The following BRINP3 variants were observed in gnomAD, a reference collection of about 807,000 sequenced individuals.
BRINP3 encodes BMP/retinoic acid inducible neural specific 3.
BRINP3 carries 19 observed loss-of-function variants against 71.0 expected under a neutral mutation model. The observed-to-expected ratio is 0.27, with a 90% CI of 0.19 to 0.39. The LOEUF is 0.39. Ranked by LOEUF, BRINP3 falls within the 10% of genes least tolerant of loss-of-function variation. The probability of loss-of-function intolerance (pLI) is 1.00; values close to 1 mark genes in which losing one functional copy is unlikely to be tolerated. For synonymous variants in BRINP3, 380 were observed against 337.7 expected (o/e 1.13, Z -1.37); for missense variants, 959 against 940.8 (o/e 1.02, Z -0.25).
Position 190,275,492 on chromosome 1 carries a change from G to A in BRINP3, c.427+6068C>T, listed in dbSNP as rs562019196. Among the ~76,000 whole-genome samples, 20 of 151,582 alleles carry A rather than the reference G, an allele frequency of 1.3e-4. No individual in the cohort carries two copies. The South Asian group carries it at 3.7e-3, about 28-fold the overall frequency. On this transcript the variant is annotated intron_variant, in intron 3 of 7. Coordinates refer to ENST00000367462, the MANE Select transcript of BRINP3 (RefSeq NM_199051.3). Reference sequence around the variant, plus strand: ...CACCAAACTGATGCTGATGCTTTTCGTTCATGGACCACACACAAGTAATGA... The same window carrying A: ...CACCAAACTGATGCTGATGCTTTTCATTCATGGACCACACACAAGTAATGA...
At chr1:190,182,934 T>C (rs1031802855) in intron 6 of BRINP3, among the ~76,000 whole-genome samples, 1 of 152,118 alleles carries the variant, frequency 6.6e-6, no homozygotes, top group Non-Finnish European at 1.5e-5. Context: ...TACTTATAAC[T>C]GTAAGTGAAA....
chr1:190,113,014 A>G (rs1329739171), intron 7 of BRINP3, among the ~76,000 whole-genome samples: 2 of 152,174 alleles, frequency 1.3e-5, no homozygotes, highest in African/African-American at 4.8e-5. Context: ...AATGTATAGT[A>G]TGGATGGTGA....
At chr1:190,178,763 C>G (rs1412539130) in intron 6 of BRINP3, among the ~76,000 whole-genome samples, 1 of 151,384 alleles carries the variant, frequency 6.6e-6, no homozygotes, top group Non-Finnish European at 1.5e-5. Flanking sequence ...AACAGACTTG[C>G]TAAAAAAGAA....
intron 2 of BRINP3, among the ~76,000 whole-genome samples, chr1:190,432,879 T>A (rs1342360397): frequency 2.0e-5 from 3 of 152,192 alleles, no homozygotes; most frequent in Non-Finnish European, 2.9e-5. Context: ...TAGCAAAAGA[T>A]TAGTTGTCTG....
At chr1:190,231,107 A>G (rs1000084449) in intron 5 of BRINP3, among the ~76,000 whole-genome samples, 1 of 151,802 alleles carries the variant, frequency 6.6e-6, no homozygotes, top group Non-Finnish European at 1.5e-5. Context: ...TATTATAAGT[A>G]TGAAGAAATA....
At chr1:190,469,927 T>G (rs1297723150) in intron 1 of BRINP3, among the ~76,000 whole-genome samples, 1 of 151,124 alleles carries the variant, frequency 6.6e-6, no homozygotes, top group Non-Finnish European at 1.5e-5. Flanking sequence ...TTGATTTAAT[T>G]TAATCACATT....
chr1:190,207,959 T>C (rs960971194), intron 6 of BRINP3, among the ~76,000 whole-genome samples: 1 of 152,016 alleles, frequency 6.6e-6, no homozygotes, highest in Non-Finnish European at 1.5e-5. Context: ...GTGTAATACA[T>C]ATTGGGTTGT....
At chr1:190,105,939 C>G (rs993504890) in intron 7 of BRINP3, among the ~76,000 whole-genome samples, 6 of 151,920 alleles carry the variant, frequency 3.9e-5, no homozygotes, top group Non-Finnish European at 5.9e-5. Flanking sequence ...CCAAAAATAA[C>G]TATATTTTAA....
chr1:190,476,358 G>A (rs1677504804), intron 1 of BRINP3, among the ~76,000 whole-genome samples: 1 of 152,044 alleles, frequency 6.6e-6, no homozygotes, highest in Admixed American at 6.6e-5. Context: ...TTAATTTGAG[G>A]GCGGGGGGCG....
chr1:190,371,089 T>C (rs1051791764), intron 2 of BRINP3, among the ~76,000 whole-genome samples: 1 of 152,140 alleles, frequency 6.6e-6, no homozygotes, highest in African/African-American at 2.4e-5. Context: ...TCTTATCACA[T>C]CTTTGGTTTG....
intron 2 of BRINP3, among the ~76,000 whole-genome samples, chr1:190,338,050 A>C (rs1160055319): frequency 6.6e-6 from 1 of 152,064 alleles, no homozygotes; most frequent in Non-Finnish European, 1.5e-5. Context: ...AGTCTACATA[A>C]TACATCCCTC....
intron 3 of BRINP3, among the ~76,000 whole-genome samples, chr1:190,276,457 TC>T (rs1348738220): frequency 2.6e-5 from 4 of 151,648 alleles, no homozygotes; most frequent in African/African-American, 9.7e-5. Context: ...TATTCAGAGT[TC>T]TTATTCTTAT....
chr1:190,280,427 G>A (rs1363800390), intron 3 of BRINP3, among the ~76,000 whole-genome samples: 1 of 151,682 alleles, frequency 6.6e-6, no homozygotes, highest in African/African-American at 2.4e-5. Flanking sequence ...GATTTTAAAA[G>A]AGCTGTGTGG....
At chr1:190,350,016 A>G (rs1200296976) in intron 2 of BRINP3, among the ~76,000 whole-genome samples, 1 of 152,076 alleles carries the variant, frequency 6.6e-6, no homozygotes, top group Non-Finnish European at 1.5e-5. Context: ...ATAAAAGGAG[A>G]ATACAAGGAA....
intron 2 of BRINP3, among the ~76,000 whole-genome samples, chr1:190,398,089 A>T (rs1406906660): frequency 6.6e-6 from 1 of 151,960 alleles, no homozygotes; most frequent in East Asian, 1.9e-4. Context: ...ATAAAAGCAC[A>T]CAACCACAAC....
At chr1:190,184,789 A>G (rs892366597) in intron 6 of BRINP3, among the ~76,000 whole-genome samples, 1 of 152,086 alleles carries the variant, frequency 6.6e-6, no homozygotes, top group African/African-American at 2.4e-5. Context: ...ATCATATACT[A>G]TATTCACTAC....
At chr1:190,255,700 T>A (rs1660598029) in intron 4 of BRINP3, among the ~76,000 whole-genome samples, 1 of 152,152 alleles carries the variant, frequency 6.6e-6, no homozygotes, top group Non-Finnish European at 1.5e-5. Context: ...GCTAGCGATC[T>A]ATCAATTTTG....
rs75551216 is a variant in BRINP3 at position 190,290,055 on chromosome 1, T to C, written c.237-8305A>G. 6.4e-4 allele frequency among the ~76,000 whole-genome samples: 98 copies of C among 152,114 alleles called. 3 individuals are homozygous for C. In the East Asian group the frequency reaches 0.015, roughly 23 times the overall value. On this transcript the variant is annotated intron_variant, in intron 2 of 7. Transcript: ENST00000367462. Reference sequence around the variant, plus strand: ...CTAAAATGAAATAGCTACCTAAGTATGAAAAAGAATGAGGTTTCCTACTAG... The same window carrying C: ...CTAAAATGAAATAGCTACCTAAGTACGAAAAAGAATGAGGTTTCCTACTAG...
chr1:190,438,340 T>C (rs1389509640), intron 2 of BRINP3, among the ~76,000 whole-genome samples: 1 of 151,762 alleles, frequency 6.6e-6, no homozygotes, highest in Non-Finnish European at 1.5e-5. Flanking sequence ...TTTATATTTA[T>C]TTAGATATAA....
Sources: gnomAD v4.1 joint callset for allele counts (sites outside exome capture counted in the v4.1 genomes callset) on GRCh38, gnomAD v4.1.1 for gene constraint, MANE v1.5 for transcripts, NCBI Gene and HGNC (gene_info 2026-07-23, HGNC 2026-07-21) for gene names.